The following ANKS1B variants were observed in gnomAD, a reference collection of about 807,000 sequenced individuals.
ANKS1B encodes ankyrin repeat and sterile alpha motif domain containing 1B, also known as ankyrin repeat and sterile alpha motif domain-containing protein 1B.
ANKS1B carries 36 observed loss-of-function variants against 148.3 expected under a neutral mutation model. The ratio of observed to expected loss-of-function variants is 0.24; its 90% confidence interval spans 0.19 to 0.32. The LOEUF is 0.32. Ranked by LOEUF, ANKS1B falls within the 10% of genes least tolerant of loss-of-function variation. The probability of loss-of-function intolerance (pLI) is 1.00; values close to 1 mark genes in which losing one functional copy is unlikely to be tolerated. For synonymous variants in ANKS1B, 542 were observed against 560.8 expected (o/e 0.97, Z 0.47); for missense variants, 1,157 against 1,542.6 (o/e 0.75, Z 4.19).
chr12:99,671,155 G>A (rs1184114693), intron 8 of ANKS1B, among the ~76,000 whole-genome samples: 2 of 152,050 alleles, frequency 1.3e-5, no homozygotes, highest in East Asian at 1.9e-4. Flanking sequence ...CTCTGTAATT[G>A]CAAGAACAAT....
chr12:99,852,190 G>A (rs12811363), intron 1 of ANKS1B, among the ~76,000 whole-genome samples: 6,833 of 152,226 alleles, frequency 0.045, 234 homozygotes, highest in Non-Finnish European at 0.069. Flanking sequence ...TCACCTTACG[G>A]GTTTTCTCAT....
chr12:98,932,024 C>T (rs764090077), intron 17 of ANKS1B, among the ~76,000 whole-genome samples: 1 of 152,122 alleles, frequency 6.6e-6, no homozygotes, highest in Non-Finnish European at 1.5e-5. Context: ...TGGAAGAAAC[C>T]TACCAACCTC....
chr12:99,226,303 C>A (rs542685971), intron 14 of ANKS1B, among the ~76,000 whole-genome samples: 1 of 152,132 alleles, frequency 6.6e-6, no homozygotes, highest in African/African-American at 2.4e-5. Flanking sequence ...CTATCACAAC[C>A]ATTTCATGTG....
At chr12:99,443,652 G>C in intron 11 of ANKS1B, 21 bp downstream of exon 11, 1 of 1,610,090 alleles carries the variant, frequency 6.2e-7, no homozygotes, top group Non-Finnish European at 8.5e-7. Context: ...GAGGGAAAAT[G>C]ATGCCATTCT....
chr12:99,342,057 G>A (rs567093205), intron 12 of ANKS1B, among the ~76,000 whole-genome samples: 271 of 152,140 alleles, frequency 1.8e-3, no homozygotes, highest in Non-Finnish European at 3.4e-3. Context: ...TACCTACTAT[G>A]TGCCAGTACT....
At chr12:99,974,658 T>A (rs1296442479) in intron 1 of ANKS1B, among the ~76,000 whole-genome samples, 1 of 151,922 alleles carries the variant, frequency 6.6e-6, no homozygotes, top group Admixed American at 6.6e-5. Flanking sequence ...GATGGCTTGA[T>A]CCCAGGAGTT....
intron 8 of ANKS1B, among the ~76,000 whole-genome samples, chr12:99,688,235 C>G (rs2098660434): frequency 6.6e-6 from 1 of 152,174 alleles, no homozygotes; most frequent in Non-Finnish European, 1.5e-5. Context: ...CTCCAATACC[C>G]TGAGCTACAA....
chr12:99,710,390 G>A (rs944073903), intron 8 of ANKS1B, among the ~76,000 whole-genome samples: 3 of 152,130 alleles, frequency 2.0e-5, no homozygotes, highest in African/African-American at 7.2e-5. Flanking sequence ...AGAAATAGCT[G>A]TTGGTGTTCT....
At chr12:99,960,611 T>C (rs1158945791) in intron 1 of ANKS1B, among the ~76,000 whole-genome samples, 1 of 152,194 alleles carries the variant, frequency 6.6e-6, no homozygotes, top group Non-Finnish European at 1.5e-5. Flanking sequence ...AAGAAAACCC[T>C]GGACTGTGTC....
At chr12:99,518,780 T>C (rs1261636617) in intron 9 of ANKS1B, among the ~76,000 whole-genome samples, 1 of 152,142 alleles carries the variant, frequency 6.6e-6, no homozygotes, top group Non-Finnish European at 1.5e-5. Context: ...AAATTTGGTT[T>C]GCTCTAGCTT....
intron 1 of ANKS1B, among the ~76,000 whole-genome samples, chr12:99,975,405 C>T (rs2095613922): frequency 6.6e-6 from 1 of 152,326 alleles, no homozygotes; most frequent in Non-Finnish European, 1.5e-5. Flanking sequence ...AGAAAAGGCA[C>T]TGGGTCCATG....
intron 14 of ANKS1B, among the ~76,000 whole-genome samples, chr12:99,207,085 ATC>A (rs1312831895): frequency 7.2e-5 from 11 of 152,152 alleles, no homozygotes; most frequent in African/African-American, 2.4e-4. Flanking sequence ...TGGTTGCTGG[ATC>A]TGTCTTTAGG....
chr12:98,952,829 A>G (rs902064743), intron 17 of ANKS1B, among the ~76,000 whole-genome samples: 4 of 152,142 alleles, frequency 2.6e-5, no homozygotes, highest in African/African-American at 9.7e-5. Flanking sequence ...TCTCCTAGTC[A>G]TCCAAGTTCA....
At chr12:99,659,625 AGTGTGTGTTC>A (rs1311562041) in intron 8 of ANKS1B, among the ~76,000 whole-genome samples, 1 of 151,460 alleles carries the variant, frequency 6.6e-6, no homozygotes, top group Non-Finnish European at 1.5e-5. Context: ...CCTGTGAGGC[AGTGTGTGTTC>A]GTGTGTGTTT....
chr12:99,611,424 T>C (rs1404800162), intron 9 of ANKS1B, among the ~76,000 whole-genome samples: 6 of 152,242 alleles, frequency 3.9e-5, no homozygotes, highest in South Asian at 4.2e-4. Flanking sequence ...TTTGTTTGTT[T>C]GTTTAAGCAC....
chr12:99,503,652 T>C (rs1214209844), intron 10 of ANKS1B, among the ~76,000 whole-genome samples: 1 of 152,132 alleles, frequency 6.6e-6, no homozygotes, highest in African/African-American at 2.4e-5. Flanking sequence ...CTACTCCATT[T>C]CCCAGTGTCT....
intron 17 of ANKS1B, chr12:99,048,865 G>T (rs2099964125): frequency 6.6e-6 from 1 of 152,224 alleles, no homozygotes; most frequent in Admixed American, 6.5e-5. Context: ...GGAGTTGGTA[G>T]AGTCCAGAAG....
chr12:99,546,956 A>AG (rs1387282510), intron 9 of ANKS1B, among the ~76,000 whole-genome samples: 2 of 152,062 alleles, frequency 1.3e-5, no homozygotes, highest in East Asian at 3.9e-4. Flanking sequence ...TGACAGGGGC[A>AG]GGGGGAGGAT....
At chr12:99,565,778 C>T (rs1597206244) in intron 9 of ANKS1B, among the ~76,000 whole-genome samples, 1 of 152,154 alleles carries the variant, frequency 6.6e-6, no homozygotes, top group South Asian at 2.1e-4. Flanking sequence ...GGCAGTGTTT[C>T]TGCTTCAATA....
Sources: allele counts gnomAD v4.1 joint callset (sites outside exome capture counted in the v4.1 genomes callset), GRCh38; gene constraint gnomAD v4.1.1; transcripts MANE v1.5; gene names NCBI Gene and HGNC (gene_info 2026-07-23, HGNC 2026-07-21).